Variants in DNAH3 observed in about 807,000 individuals in gnomAD.
DNAH3 encodes the protein axonemal beta dynein heavy chain 3.
Under a neutral mutation model 432.5 loss-of-function variants are expected in DNAH3, and 332 were observed. That is an observed-to-expected ratio of 0.77 (90% confidence interval 0.70 to 0.84). The LOEUF is 0.84. DNAH3 is among the 40% of genes least tolerant of loss of function. The pLI, the probability that DNAH3 is intolerant of heterozygous loss-of-function variation, is 0.00. For missense variants in DNAH3, 4,861 were observed against 5,114.0 expected (o/e 0.95, Z 1.51); for synonymous variants, 1,956 against 1,900.2 (o/e 1.03, Z -0.76).
chr16:21,129,796 G>A (rs1201781089), intron 7 of DNAH3, among the ~76,000 whole-genome samples: 1 of 151,920 alleles, frequency 6.6e-6, no homozygotes, highest in Non-Finnish European at 1.5e-5. Flanking sequence ...GTGGACAGGG[G>A]TAGCGGGGAG....
At chr16:20,956,993 G>A (rs1567524582) in intron 54 of DNAH3, among the ~76,000 whole-genome samples, 2 of 152,160 alleles carry the variant, frequency 1.3e-5, no homozygotes, top group African/African-American at 4.8e-5. Flanking sequence ...AAAGTGCTGG[G>A]ATTACAGGTG....
At position 21,041,516 on chromosome 16, in the gene DNAH3, C is replaced by T. The variant is rs112702286; in HGVS notation, c.4638+511G>A. Among the ~76,000 whole-genome samples the T allele has an allele frequency of 8.6e-3, 1,310 of 152,208 alleles. 26 individuals carry two copies. Among genetic ancestry groups the T allele is most frequent in the African/African-American group, 0.03 (1,245 of 41,498 alleles). ...GAAGTGGTCCATCTGAGTAAGTTTC[C>T]AGGGCACCAGTCAGAATGCATTAGT... is the stretch of plus-strand genomic sequence containing the variant. On this transcript the variant is annotated intron_variant, in intron 32 of 61. Coordinates refer to ENST00000261383, the Ensembl canonical transcript of DNAH3.
intron 54 of DNAH3, among the ~76,000 whole-genome samples, chr16:20,957,388 T>C (rs978255944): frequency 3.9e-5 from 6 of 152,212 alleles, no homozygotes; most frequent in Admixed American, 3.3e-4. Flanking sequence ...AGAAGTTTCA[T>C]GTATTATGAA....
At chr16:20,992,520 G>A (rs2086600424) in intron 44 of DNAH3, among the ~76,000 whole-genome samples, 1 of 152,050 alleles carries the variant, frequency 6.6e-6, no homozygotes, top group Non-Finnish European at 1.5e-5. Flanking sequence ...TAATTTTTTT[G>A]TATTTTTAGT....
intron 37 of DNAH3, 105 bp from the exon 38 acceptor site, chr16:21,027,232 T>C: frequency 1.2e-6 from 1 of 811,732 alleles, no homozygotes; most frequent in South Asian, 1.5e-5. Flanking sequence ...ATTCCATAAA[T>C]ATTTCTTGAG....
chr16:21,086,937 A>G lies in DNAH3; in HGVS notation c.2789T>C (p.Val930Ala). 2.5e-6 allele frequency: 4 copies of G among 1,614,206 alleles called. No individual in the cohort carries two copies. In the African/African-American group the frequency reaches 4.0e-5, roughly 16 times the overall value. ...CTTGAACTTATCGATCTTGATCTTC[A>G]CATTCTCTGCTAAGCGCCTGGGTGC... Residue 930 changes from valine (V) to alanine (A), a missense_variant, in exon 19 of 62, where the codon GTG (valine) becomes GCG (alanine). By Grantham distance (64) the Val-to-Ala change is moderately conservative. Coordinates refer to ENST00000261383, the Ensembl canonical transcript of DNAH3.
At chr16:21,028,665 AAAG>A (rs986438372) in intron 37 of DNAH3, among the ~76,000 whole-genome samples, 10 of 151,988 alleles carry the variant, frequency 6.6e-5, no homozygotes, top group African/African-American at 1.7e-4. Flanking sequence ...AAAAAAAAAA[AAAG>A]AAAGAAAAAT....
intron 55 of DNAH3, among the ~76,000 whole-genome samples, chr16:20,953,965 G>A (rs1466312230): frequency 6.6e-6 from 1 of 152,012 alleles, no homozygotes; most frequent in Non-Finnish European, 1.5e-5. Flanking sequence ...GTTCATCCAC[G>A]TTGTAGTGTA....
intron 7 of DNAH3, among the ~76,000 whole-genome samples, chr16:21,132,752 G>A (rs776706710): frequency 8.5e-5 from 13 of 152,274 alleles, no homozygotes; most frequent in African/African-American, 3.1e-4. Context: ...GTGAGAATGC[G>A]GAGTGACTGC....
intron 7 of DNAH3, 98 bp from the exon 9 acceptor site, chr16:21,127,910 A>G (rs779430000): frequency 5.8e-5 from 81 of 1,406,302 alleles, no homozygotes; most frequent in Non-Finnish European, 7.3e-5. Flanking sequence ...TTTCTCAATG[A>G]AAGTTAAGCA....
In DNAH3 at chr16:21,067,776, G is replaced by GGAGAGAGAGAGAGAGAGA. The variant is rs60889532; in HGVS notation, c.3382-375_3382-358dup. Among the ~76,000 whole-genome samples, 223 of 40,892 alleles carry GGAGAGAGAGAGAGAGAGA rather than the reference G, an allele frequency of 5.5e-3. 23 individuals are homozygous for GGAGAGAGAGAGAGAGAGA. Among genetic ancestry groups the GGAGAGAGAGAGAGAGAGA allele is most frequent in the African/African-American group, 0.024 (193 of 8,084 alleles). 26.8% of individuals were successfully genotyped at this position (40,892 alleles called of 152,430 possible). On this transcript the variant is annotated intron_variant, in intron 23 of 61. Coordinates refer to ENST00000261383, the Ensembl canonical transcript of DNAH3. The stretch of plus-strand genomic sequence containing the variant: ...CAGTCTTGGGGGGGGGGGTGGGGAG[G>GGAGAGAGAGAGAGAGAGA]GAGAGAGAGAGAGAGAGAGAGAGAG...
At chr16:21,152,787 C>T (rs1028056880) in intron 1 of DNAH3, among the ~76,000 whole-genome samples, 42 of 152,242 alleles carry the variant, frequency 2.8e-4, no homozygotes, top group African/African-American at 9.6e-4. Context: ...AGTGCTAGCC[C>T]ACCGGCGCTG....
chr16:20,988,396 A>G (rs1472599261), intron 44 of DNAH3, among the ~76,000 whole-genome samples: 1 of 152,094 alleles, frequency 6.6e-6, no homozygotes, highest in Non-Finnish European at 1.5e-5. Context: ...GCTCATTATT[A>G]TATCATATCA....
intron 1 of DNAH3, among the ~76,000 whole-genome samples, chr16:21,153,920 T>C (rs2092881102): frequency 6.6e-6 from 1 of 152,198 alleles, no homozygotes; most frequent in Admixed American, 6.5e-5. Flanking sequence ...CCTGAGCTTT[T>C]CCATCTCTTA....
intron 18 of DNAH3, among the ~76,000 whole-genome samples, chr16:21,091,482 A>G (rs1013772274): frequency 6.6e-6 from 1 of 152,326 alleles, no homozygotes; most frequent in African/African-American, 2.4e-5. Flanking sequence ...TTAAAAAGTC[A>G]ATCACTTTCC....
intron 36 of DNAH3, among the ~76,000 whole-genome samples, chr16:21,031,700 C>T (rs1320880092): frequency 4.6e-5 from 7 of 152,152 alleles, no homozygotes. Flanking sequence ...TTCTTCCAAT[C>T]CTCTTTTCAA....
chr16:20,940,008 C>T (rs1309588818), intron 59 of DNAH3, among the ~76,000 whole-genome samples: 1 of 152,228 alleles, frequency 6.6e-6, no homozygotes, highest in Non-Finnish European at 1.5e-5. Flanking sequence ...GGCCAGAGAT[C>T]CTTGCCCCAT....
chr16:20,940,700 G>A (rs903414224), intron 59 of DNAH3, among the ~76,000 whole-genome samples: 11 of 151,392 alleles, frequency 7.3e-5, no homozygotes, highest in African/African-American at 2.2e-4. Context: ...TCAAAGTGCT[G>A]GAATTACAGG....
Position 21,040,358 on chromosome 16 carries a change from A to ATCTTTTTTTTTTTTTTTTTTT in DNAH3, c.4639-416_4639-415insAAAAAAAAAAAAAAAAAAAGA, listed in dbSNP as rs771791969. Reference sequence around the variant, plus strand: ...TCAGAAGAATCCCAAAGCCAGACAGATTTTTTTTTTTTTTTTTTTTTTTTT... The same window carrying ATCTTTTTTTTTTTTTTTTTTT: ...TCAGAAGAATCCCAAAGCCAGACAGATCTTTTTTTTTTTTTTTTTTTTTTTTTTTTTTTTTTTTTTTTTTTT... On this transcript the variant is annotated intron_variant, in intron 32 of 61. Coordinates refer to ENST00000261383, the Ensembl canonical transcript of DNAH3. Among the ~76,000 whole-genome samples, 18 of 79,712 alleles carry ATCTTTTTTTTTTTTTTTTTTT rather than the reference A, an allele frequency of 2.3e-4. 5 individuals carry two copies. The highest frequency in any genetic ancestry group is 1.0e-3 in the African/African-American group (18 of 17,726). The allele number at this position is 79,712 out of a possible 152,430, so 52.3% of individuals were successfully genotyped here. A position where few individuals can be genotyped will look rare whatever the true frequency, so the allele number is the denominator to read the frequency against.
Sources: gnomAD v4.1 joint callset for allele counts (sites outside exome capture counted in the v4.1 genomes callset) on GRCh38, gnomAD v4.1.1 for gene constraint, MANE v1.5 for transcripts, NCBI Gene and HGNC (gene_info 2026-07-23, HGNC 2026-07-21) for gene names.